KIF23: variants seen among roughly 807,000 people sequenced by gnomAD.
The protein encoded by KIF23 is kinesin-like protein KIF23.
In KIF23, 30 loss-of-function variants were observed where a neutral mutation model predicts 137.5. The observed-to-expected ratio is 0.22, with a 90% confidence interval of 0.16 to 0.30. The LOEUF (loss-of-function observed/expected upper bound fraction) is 0.30. Ranked by LOEUF, KIF23 falls within the 10% of genes least tolerant of loss-of-function variation. The pLI is 1.00. For synonymous variants in KIF23, 367 were observed against 391.1 expected (o/e 0.94, Z 0.73); for missense variants, 920 against 1,194.3 (o/e 0.77, Z 3.38).
chr15:69,420,913 A>G (rs59206889), intron 3 of KIF23, among the ~76,000 whole-genome samples: 1,620 of 152,252 alleles, frequency 0.011, 27 homozygotes, highest in African/African-American at 0.037. Flanking sequence ...CACTATGCCC[A>G]TGCTTTGCTA....
At chr15:69,428,672 A>C (rs1355892495) in intron 10 of KIF23, among the ~76,000 whole-genome samples, 3 of 151,506 alleles carry the variant, frequency 2.0e-5, no homozygotes, top group Admixed American at 6.6e-5. Flanking sequence ...AAAAAAAAAA[A>C]AAAAAAAAAA....
Position 69,422,335 on chromosome 15 carries a change from T to C in KIF23, c.463T>C (p.Ser155Pro). 6.4e-7 allele frequency: 1 copy of C among 1,572,496 alleles called. No individual in the cohort carries two copies. The highest frequency in any genetic ancestry group is 8.6e-7 in the Non-Finnish European group (1 of 1,157,530). ...SFQAKRYVFK[S>P]NDRNSMDIQC... is the part of the protein sequence containing the mutation. The stretch of plus-strand genomic sequence containing the variant: ...TTTGCCCCCACTTCAGGTTTTCAAA[T>C]CTAATGATAGGAATAGTATGGATAT... Residue 155 changes from serine to proline, a missense_variant, in exon 6 of 24, where the codon TCT becomes CCT. This residue lies in a region of KIF23 where 714 missense variants were observed against 866.2 expected (regional missense o/e 0.82). Coordinates refer to ENST00000679126, the MANE Select transcript of KIF23 (RefSeq NM_001367805.3).
rs971602935 is a variant in KIF23, at chr15:69,437,617, C to T, written c.1598-631C>T. Among the ~76,000 whole-genome samples the T allele has an allele frequency of 4.6e-5, 7 of 151,884 alleles. No homozygotes were observed. In the East Asian group the frequency reaches 5.8e-4, roughly 13 times the overall value. On this transcript the variant is annotated intron_variant, in intron 15 of 23. Transcript: ENST00000679126. ...CTGGGATTATAGGTGCACACCACCA[C>T]GCCCTGCTAATTTTTGTATTTTTAG... is the stretch of plus-strand genomic sequence containing the variant.
intron 7 of KIF23, among the ~76,000 whole-genome samples, chr15:69,424,796 C>T (rs961964433): frequency 2.0e-5 from 3 of 152,330 alleles, no homozygotes; most frequent in Non-Finnish European, 4.4e-5. Context: ...GTGTGAGCCA[C>T]CATGCCTGGC....
At chr15:69,442,594 T>C (rs2057647436) in intron 19 of KIF23, among the ~76,000 whole-genome samples, 1 of 152,244 alleles carries the variant, frequency 6.6e-6, no homozygotes, top group Non-Finnish European at 1.5e-5. Context: ...CTAAAGTCTC[T>C]TAAGTTCTTT....
At chr15:69,437,951 A>G (rs1464001491) in intron 15 of KIF23, among the ~76,000 whole-genome samples, 1 of 152,170 alleles carries the variant, frequency 6.6e-6, no homozygotes, top group African/African-American at 2.4e-5. Flanking sequence ...TGTTGTTTCT[A>G]TTTTTGCGTT....
intron 8 of KIF23, 149 bp downstream of exon 8, chr15:69,425,472 C>G (rs747454779): frequency 1.8e-5 from 12 of 676,012 alleles, no homozygotes; most frequent in Non-Finnish European, 2.5e-5. Flanking sequence ...GAAAAATCTG[C>G]TATTGACTAT....
At chr15:69,422,838 C>T in intron 6 of KIF23, 1 of 249,632 alleles carries the variant, frequency 4.0e-6, no homozygotes, top group South Asian at 6.6e-5. Context: ...TCTCACTTTG[C>T]TGCCCAGGGT....
intron 16 of KIF23, among the ~76,000 whole-genome samples, chr15:69,438,953 C>A (rs967482627): frequency 2.0e-5 from 3 of 151,982 alleles, no homozygotes; most frequent in African/African-American, 7.3e-5. Flanking sequence ...AAAAAATTAG[C>A]CAGGCATGGT....
intron 20 of KIF23, among the ~76,000 whole-genome samples, chr15:69,445,489 A>G (rs1227692483): frequency 6.6e-6 from 1 of 151,880 alleles, no homozygotes; most frequent in Non-Finnish European, 1.5e-5. Context: ...TTGCCTGACT[A>G]TAGAAGAATT....
chr15:69,430,397 G>A (rs2057326706), intron 11 of KIF23, among the ~76,000 whole-genome samples: 1 of 152,092 alleles, frequency 6.6e-6, no homozygotes, highest in Non-Finnish European at 1.5e-5. Flanking sequence ...CTATGTGCCA[G>A]GAATTAAACA....
intron 3 of KIF23, among the ~76,000 whole-genome samples, chr15:69,421,354 C>T (rs912437000): frequency 6.6e-6 from 1 of 152,128 alleles, no homozygotes; most frequent in African/African-American, 2.4e-5. Context: ...TGTCATTGCA[C>T]TCCAGCCTGG....
rs765644959 is a variant in KIF23 at position 69,447,786 on chromosome 15, T to G, written c.2910-6T>G. On this transcript the variant is annotated splice_region_variant and splice_polypyrimidine_tract_variant and intron_variant, in intron 23 of 23. Coordinates refer to ENST00000679126, the MANE Select transcript of KIF23 (RefSeq NM_001367805.3). ...TCAACTCTAAGTGCTGGTTGTTATG[T>G]TTTAGGCGCAAAAAGCCATGAACTG... 2.5e-6 allele frequency: 4 copies of G among 1,603,504 alleles called. No individual in the cohort carries two copies. The East Asian group carries it at 8.9e-5, about 36-fold the overall frequency.
rs746703588 is a variant in KIF23 at position 69,440,933 on chromosome 15, A to T, written c.2275A>T (p.Ile759Phe). Reference protein sequence around the residue: ...TYNTPLKVTSIARRRQQEPGQ... With the variant: ...TYNTPLKVTSFARRRQQEPGQ... ...CAACACACCTCTCAAAGTCACATCT[A>T]TTGCAAGGCGTAGGCAGCAGGAGCC... is the stretch of plus-strand genomic sequence containing the variant. Residue 759 changes from isoleucine (I) to phenylalanine (F), a missense_variant, in exon 19 of 24, where the codon ATT (isoleucine) becomes TTT (phenylalanine). Transcript: ENST00000679126. The T allele has an allele frequency of 5.6e-6, 9 of 1,614,082 alleles. No individual in the cohort carries two copies. The Admixed American group carries it at 6.7e-5, about 12-fold the overall frequency.
Position 69,416,082 on chromosome 15 carries a change from T to C in KIF23, c.81+19T>C. The C allele has an allele frequency of 6.6e-7, 1 of 1,523,300 alleles. No homozygotes were observed. Among genetic ancestry groups the C allele is most frequent in the Non-Finnish European group, 8.8e-7 (1 of 1,133,950 alleles). The allele number at this position is 1,523,300 out of a possible 1,614,324, so 94.4% of individuals were successfully genotyped here. ...AGTTGGGGTAAGGTATCCCTGTAAA[T>C]TTATGTGTGGTGTTTAAGAAACTTA... On this transcript the variant is annotated intron_variant, in intron 2 of 23. Coordinates refer to ENST00000679126, the MANE Select transcript of KIF23 (RefSeq NM_001367805.3).
In KIF23 at chr15:69,441,386, C is replaced by T. The variant is rs112135718; in HGVS notation, c.2421+307C>T. ...CTTTGCACAGAATTGGTGAATGTGT[C>T]TTAAAGCATACTTTCCATATTTTTC... On this transcript the variant is annotated intron_variant, in intron 19 of 23. Coordinates refer to ENST00000679126, the MANE Select transcript of KIF23 (RefSeq NM_001367805.3). Among the ~76,000 whole-genome samples the T allele has an allele frequency of 1.5e-3, 221 of 152,304 alleles. 1 individual carries two copies. Among genetic ancestry groups the T allele is most frequent in the Non-Finnish European group, 2.5e-3 (168 of 68,020 alleles).
chr15:69,432,849 A>G (rs552572068), intron 11 of KIF23, among the ~76,000 whole-genome samples: 2 of 152,242 alleles, frequency 1.3e-5, no homozygotes, highest in African/African-American at 2.4e-5. Flanking sequence ...GTAACATGCT[A>G]TAAAAATATC....
chr15:69,417,525 G>A lies in KIF23; in HGVS notation c.210+14G>A, dbSNP rs779654742. ...GACTATAAGGAGGTAATTCTGATTT[G>A]GACCAAGTTGTTTTTACTCAATATG... On this transcript the variant is annotated intron_variant, in intron 3 of 23. Coordinates refer to ENST00000679126, the MANE Select transcript of KIF23 (RefSeq NM_001367805.3). 2.4e-5 allele frequency: 38 copies of A among 1,604,526 alleles called. No homozygotes were observed. The highest frequency in any genetic ancestry group is 3.3e-4 in the Middle Eastern group (2 of 6,002).
intron 11 of KIF23, among the ~76,000 whole-genome samples, chr15:69,432,714 T>C (rs2057385395): frequency 6.6e-6 from 1 of 152,210 alleles, no homozygotes; most frequent in Non-Finnish European, 1.5e-5. Flanking sequence ...GTTTTAAAAG[T>C]ATTCTTAAGT....
Sources: gnomAD v4.1 joint callset for allele counts (sites outside exome capture counted in the v4.1 genomes callset) on GRCh38, gnomAD v4.1.1 for gene constraint, gnomAD v4.1.1 regional missense constraint, MANE v1.5 for transcripts, NCBI Gene and HGNC (gene_info 2026-07-23, HGNC 2026-07-21) for gene names.